ALDH6A1: variants seen among roughly 807,000 people sequenced by gnomAD.
ALDH6A1 encodes aldehyde dehydrogenase 6 family member A1.
A neutral mutation model predicts 62.6 loss-of-function variants in ALDH6A1; 43 were observed. That is an observed-to-expected ratio of 0.69 (90% confidence interval 0.54 to 0.89). The LOEUF is 0.89. Among genes scored for constraint, ALDH6A1 ranks in the 40% least tolerant of loss-of-function variants. The pLI is 0.00. For synonymous variants in ALDH6A1, 194 were observed against 234.2 expected, an observed-to-expected ratio of 0.83 and a Z score of 1.57; for missense variants, 551 against 661.3, an observed-to-expected ratio of 0.83 and a Z score of 1.83.
chr14:74,082,747 C>CT, intron 1 of ALDH6A1: 1 of 152,262 alleles, frequency 6.6e-6, no homozygotes, highest in South Asian at 2.1e-4. Flanking sequence ...CACGTTACAA[C>CT]TCCTAGTTGG....
intron 1 of ALDH6A1, among the ~76,000 whole-genome samples, chr14:74,082,229 G>T (rs911208509): frequency 6.6e-6 from 1 of 152,144 alleles, no homozygotes; most frequent in Non-Finnish European, 1.5e-5. Flanking sequence ...CTCTGCATGG[G>T]AGTGATAATA....
In ALDH6A1 at chr14:74,068,915, C is replaced by A; in HGVS notation, c.797G>T (p.Gly266Val). 1 of 1,614,024 alleles carries A rather than the reference C, an allele frequency of 6.2e-7. No individual in the cohort carries two copies. Among genetic ancestry groups the A allele is most frequent in the Non-Finnish European group, 8.5e-7 (1 of 1,179,970 alleles). ...TGATCCTCTCTCGAAGATATACTCT[C>A]CTGCCTTGTTGGATCCCACAAAGCT... ...AISFVGSNKA[G>V]EYIFERGSRH... The change falls in exon 7 of 12, where the codon GGA becomes GTA. Residue 266 changes from glycine to valine, a missense_variant. Transcript: ENST00000553458.
intron 1 of ALDH6A1, among the ~76,000 whole-genome samples, chr14:74,080,278 A>G (rs2060657475): frequency 6.6e-6 from 1 of 151,824 alleles, no homozygotes; most frequent in Non-Finnish European, 1.5e-5. Context: ...CTGTCCTGCC[A>G]TTATCCCAGT....
chr14:74,075,847 G>A (rs2060607239), intron 1 of ALDH6A1, among the ~76,000 whole-genome samples: 1 of 152,092 alleles, frequency 6.6e-6, no homozygotes, highest in East Asian at 1.9e-4. Context: ...CATTGGATGG[G>A]TGAATAAGGA....
chr14:74,082,856 GGAAA>G (rs1237304291), intron 1 of ALDH6A1: 1 of 152,112 alleles, frequency 6.6e-6, no homozygotes, highest in African/African-American at 2.4e-5. Context: ...AAAAGTACAT[GGAAA>G]GAGAGATTCT....
At chr14:74,078,958 C>G (rs2060642498) in intron 1 of ALDH6A1, among the ~76,000 whole-genome samples, 1 of 151,830 alleles carries the variant, frequency 6.6e-6, no homozygotes, top group African/African-American at 2.4e-5. Context: ...AGCCACCCCA[C>G]CAGGCTGCCA....
rs2060596383 is a variant in ALDH6A1, at chr14:74,074,989, G to T, written c.77C>A (p.Thr26Asn). The change falls in exon 2 of 12, where the codon ACC becomes AAC. Residue 26 changes from threonine (T) to asparagine (N), a missense_variant. Coordinates refer to ENST00000553458, the MANE Select transcript of ALDH6A1 (RefSeq NM_005589.4). ...QVSSKVKSSP[T>N]WYSASSFSSS... ...AGAGAAGGAAGATGCTGAATACCAG[G>T]TGGGACTGGATTTCACCTTGGAAGA... 1 of 1,613,952 alleles carries T rather than the reference G, an allele frequency of 6.2e-7. No individual in the cohort carries two copies. The highest frequency in any genetic ancestry group is 8.5e-7 in the Non-Finnish European group (1 of 1,179,990).
rs762601830 is a variant in ALDH6A1 at position 74,068,910 on chromosome 14, A to G, written c.802T>C (p.Tyr268His). Residue 268 changes from tyrosine to histidine, a missense_variant, in exon 7 of 12, where the codon TAT becomes CAT. By Grantham distance (83) the Tyr-to-His change is moderately conservative. Transcript: ENST00000553458. ...SFVGSNKAGE[Y>H]IFERGSRHGK... ...TGTCTTGATCCTCTCTCGAAGATAT[A>G]CTCTCCTGCCTTGTTGGATCCCACA... The G allele has an allele frequency of 1.7e-5, 28 of 1,613,844 alleles. No individual in the cohort carries two copies. Among genetic ancestry groups the G allele is most frequent in the Non-Finnish European group, 2.3e-5 (27 of 1,179,924 alleles).
At chr14:74,073,427 C>T (rs2060576354) in intron 2 of ALDH6A1, among the ~76,000 whole-genome samples, 1 of 152,052 alleles carries the variant, frequency 6.6e-6, no homozygotes, top group Non-Finnish European at 1.5e-5. Flanking sequence ...TAAGATGTGG[C>T]ACAGCCTCTC....
intron 1 of ALDH6A1, among the ~76,000 whole-genome samples, chr14:74,083,330 G>C (rs2060688794): frequency 6.6e-6 from 1 of 152,206 alleles, no homozygotes; most frequent in African/African-American, 2.4e-5. Flanking sequence ...CTTGCCTGCG[G>C]TAAATCTTGC....
intron 6 of ALDH6A1, among the ~76,000 whole-genome samples, chr14:74,069,553 CCT>C: frequency 6.6e-6 from 1 of 151,750 alleles, no homozygotes; most frequent in East Asian, 2.0e-4. Flanking sequence ...GAGTTCGAGA[CCT>C]TCCTAGCCAA....
chr14:74,065,148 T>C lies in ALDH6A1; in HGVS notation c.1404+33A>G, dbSNP rs1214978785. On this transcript the variant is annotated intron_variant, in intron 10 of 11. Coordinates refer to ENST00000553458, the MANE Select transcript of ALDH6A1 (RefSeq NM_005589.4). ...TTCCTCTTAGGAAATAGTAAATGGA[T>C]ATAAGAATCTCTTAAAAATTCTGTT... 4 of 1,609,970 alleles carry C rather than the reference T, an allele frequency of 2.5e-6. No individual in the cohort carries two copies. The African/African-American group carries it at 5.3e-5, about 22-fold the overall frequency.
At chr14:74,072,074 A>G (rs2060557404) in intron 4 of ALDH6A1, 100 bp from the exon 5 acceptor site, 1 of 1,562,458 alleles carries the variant, frequency 6.4e-7, no homozygotes, top group Non-Finnish European at 8.8e-7. Flanking sequence ...ATGCAGTACA[A>G]GGGAGAGAGT....
chr14:74,076,990 A>G (rs1425365845), intron 1 of ALDH6A1, among the ~76,000 whole-genome samples: 3 of 152,248 alleles, frequency 2.0e-5, no homozygotes, highest in Non-Finnish European at 4.4e-5. Context: ...TCTGTTAACC[A>G]GAGTATAGAG....
At chr14:74,070,546 A>G (rs1418078112) in intron 6 of ALDH6A1, among the ~76,000 whole-genome samples, 2 of 152,142 alleles carry the variant, frequency 1.3e-5, no homozygotes, top group East Asian at 1.9e-4. Flanking sequence ...TATTTCCTCA[A>G]TGGTGACTAT....
At chr14:74,069,292 C>T (rs62005117) in intron 6 of ALDH6A1, 36 of 347,436 alleles carry the variant, frequency 1.0e-4, no homozygotes, top group East Asian at 7.7e-4. Flanking sequence ...TTAGTAGACA[C>T]GGGGTTTCAC....
At position 74,059,128 on chromosome 14, in the gene ALDH6A1, T is replaced by G; in HGVS notation, c.*1514A>C. 5.5e-6 allele frequency: 1 copy of G among 181,962 alleles called. No homozygotes were observed. The allele number at this position is 181,962 out of a possible 1,614,324, so 11.3% of individuals were successfully genotyped here. A position where few individuals can be genotyped will look rare whatever the true frequency, so the allele number is the denominator to read the frequency against. On this transcript the variant is annotated 3_prime_UTR_variant, in exon 12 of 12. Transcript: ENST00000553458. ...AAAAGCGTAAAGGCAGTTGAACTAATGGCAGAAGAAGACTGTCAAAGCATT... is the reference window on the plus strand; with the variant it reads ...AAAAGCGTAAAGGCAGTTGAACTAAGGGCAGAAGAAGACTGTCAAAGCATT...
intron 2 of ALDH6A1, among the ~76,000 whole-genome samples, chr14:74,073,588 T>A (rs1055182748): frequency 2.6e-5 from 4 of 152,194 alleles, no homozygotes; most frequent in African/African-American, 9.6e-5. Context: ...CCCAGCTGAC[T>A]GTTACATTAC....
intron 11 of ALDH6A1, among the ~76,000 whole-genome samples, chr14:74,064,402 G>T (rs540833410): frequency 6.6e-6 from 1 of 152,034 alleles, no homozygotes; most frequent in Non-Finnish European, 1.5e-5. Context: ...GAAAAAATAC[G>T]TGCAATGGGA....
Sources: gnomAD v4.1 joint callset for allele counts (sites outside exome capture counted in the v4.1 genomes callset) on GRCh38, gnomAD v4.1.1 for gene constraint, MANE v1.5 for transcripts, NCBI Gene and HGNC (gene_info 2026-07-23, HGNC 2026-07-21) for gene names.